MITF: variants seen among roughly 807,000 people sequenced by gnomAD.
MITF encodes melanocyte inducing transcription factor.
A neutral mutation model predicts 60.5 loss-of-function variants in MITF; 17 were observed. That is an observed-to-expected ratio of 0.28 (90% confidence interval 0.19 to 0.42). MITF has a LOEUF of 0.42. MITF is among the 10% of genes least tolerant of loss of function. MITF has a pLI of 1.00. For synonymous variants in MITF, 260 were observed against 248.5 expected (o/e 1.05, Z -0.43); for missense variants, 622 against 683.5 (o/e 0.91, Z 1.00).
intron 1 of MITF, among the ~76,000 whole-genome samples, chr3:69,742,369 G>C (rs1703557084): frequency 6.6e-6 from 1 of 152,168 alleles, no homozygotes; most frequent in East Asian, 1.9e-4. Context: ...ATTGTTAGTA[G>C]TGCTGAGGTC....
intron 2 of MITF, among the ~76,000 whole-genome samples, chr3:69,888,957 C>T (rs113398500): frequency 2.1e-5 from 3 of 140,246 alleles, no homozygotes; most frequent in Admixed American, 7.4e-5. Flanking sequence ...TGTATTGGCT[C>T]GGTGTGATTT....
At chr3:69,785,181 TTGAA>T (rs1559628206) in intron 1 of MITF, among the ~76,000 whole-genome samples, 1 of 152,140 alleles carries the variant, frequency 6.6e-6, no homozygotes. Flanking sequence ...CTGCGGGCAC[TTGAA>T]CATTCTTCAT....
At chr3:69,833,030 T>C (rs1203000185) in intron 1 of MITF, among the ~76,000 whole-genome samples, 2 of 152,254 alleles carry the variant, frequency 1.3e-5, no homozygotes, top group African/African-American at 2.4e-5. Flanking sequence ...CTGTATGTGA[T>C]TGTTTCTCTG....
intron 1 of MITF, among the ~76,000 whole-genome samples, chr3:69,781,130 T>C (rs1013700412): frequency 6.6e-6 from 1 of 152,116 alleles, no homozygotes; most frequent in African/African-American, 2.4e-5. Context: ...GTTAATACAG[T>C]GGCTTCCTTT....
intron 1 of MITF, among the ~76,000 whole-genome samples, chr3:69,807,603 G>A (rs1435317644): frequency 6.6e-6 from 1 of 152,164 alleles, no homozygotes; most frequent in Non-Finnish European, 1.5e-5. Flanking sequence ...ACATGCATAC[G>A]AATATCACTT....
intron 2 of MITF, among the ~76,000 whole-genome samples, chr3:69,922,130 C>G (rs945299660): frequency 6.6e-6 from 1 of 152,212 alleles, no homozygotes; most frequent in Non-Finnish European, 1.5e-5. Context: ...TTGTAAGCCC[C>G]TTGATGATAG....
At chr3:69,937,172 TGTAA>T (rs1706832985) in intron 2 of MITF, 1 of 170,156 alleles carries the variant, frequency 5.9e-6, no homozygotes, top group South Asian at 1.5e-4. Context: ...AACACATACG[TGTAA>T]GTGTTATGCA....
intron 1 of MITF, among the ~76,000 whole-genome samples, chr3:69,862,389 G>T (rs527724008): frequency 6.6e-6 from 1 of 152,270 alleles, no homozygotes; most frequent in Admixed American, 6.5e-5. Flanking sequence ...ATAGGACCCA[G>T]CACATAGTAA....
chr3:69,785,455 C>G (rs1377826419), intron 1 of MITF, among the ~76,000 whole-genome samples: 1 of 152,152 alleles, frequency 6.6e-6, no homozygotes, highest in Non-Finnish European at 1.5e-5. Flanking sequence ...GGTCACATGA[C>G]CAGTAAGCAA....
chr3:69,871,700 A>G (rs1339726744), intron 1 of MITF, among the ~76,000 whole-genome samples: 1 of 152,194 alleles, frequency 6.6e-6, no homozygotes, highest in Non-Finnish European at 1.5e-5. Flanking sequence ...AAGGCTTTTG[A>G]ATTTTCTCTG....
intron 1 of MITF, among the ~76,000 whole-genome samples, chr3:69,745,823 A>G (rs887289774): frequency 5.3e-5 from 8 of 152,242 alleles, no homozygotes; most frequent in Non-Finnish European, 1.2e-4. Context: ...TCTAAGCTGT[A>G]AAATGAGATC....
Position 69,856,449 on chromosome 3 carries a change from C to T in MITF, c.105-22685C>T, listed in dbSNP as rs530590165. On this transcript the variant is annotated intron_variant, in intron 1 of 9. Transcript: ENST00000352241. ...TCTGACCTGTATTGTGAACAAAGGG[C>T]AAGTGTTGAGAGATTGAAGACATAT... is the stretch of plus-strand genomic sequence containing the variant. 2.0e-5 allele frequency among the ~76,000 whole-genome samples: 3 copies of T among 152,228 alleles called. No homozygotes were observed. In the East Asian group the frequency reaches 5.8e-4, roughly 29 times the overall value.
intron 1 of MITF, among the ~76,000 whole-genome samples, chr3:69,764,976 G>A (rs1414961407): frequency 6.6e-6 from 1 of 152,186 alleles, no homozygotes; most frequent in Non-Finnish European, 1.5e-5. Context: ...TTGAGTGATG[G>A]TTCCATGAAC....
intron 9 of MITF, among the ~76,000 whole-genome samples, chr3:69,960,126 A>G (rs139362828): frequency 0.015 from 2,351 of 151,940 alleles, 22 homozygotes; most frequent in Middle Eastern, 0.051. Flanking sequence ...ACATAAAAAA[A>G]ATAAGTACTG....
Position 69,967,891 on chromosome 3 carries a change from A to C in MITF, c.*2643A>C, listed in dbSNP as rs1048418402. The C allele has an allele frequency of 4.3e-6, 1 of 233,334 alleles. No individual in the cohort carries two copies. The highest frequency in any genetic ancestry group is 2.2e-5 in the African/African-American group (1 of 45,330). The allele number at this position is 233,334 out of a possible 1,614,324, so 14.5% of individuals were successfully genotyped here. ...TCTATATGGAGTGACCAAAATGCCA[A>C]AATTGTCCATCTGCCTCTGAGTAGG... On this transcript the variant is annotated 3_prime_UTR_variant, in exon 10 of 10. Transcript: ENST00000352241.
chr3:69,914,424 A>G (rs1357320025), intron 2 of MITF, among the ~76,000 whole-genome samples: 4 of 152,140 alleles, frequency 2.6e-5, no homozygotes, highest in Admixed American at 6.6e-5. Flanking sequence ...ACCCAGCCTG[A>G]ACAACTCTGT....
chr3:69,951,725 A>G (rs571467298), intron 6 of MITF, 87 bp from the exon 7 acceptor site: 2 of 970,210 alleles, frequency 2.1e-6, no homozygotes, highest in African/African-American at 1.6e-5. Context: ...AAGCTTCTGT[A>G]TGTTTGGGAA....
chr3:69,963,970 C>CTTTTTTTTTTT (rs56921812), intron 9 of MITF, among the ~76,000 whole-genome samples: 37 of 86,106 alleles, frequency 4.3e-4, no homozygotes, highest in South Asian at 8.8e-4. Context: ...TTTTTCTTTT[C>CTTTTTTTTTTT]TTTTTTTTTT....
chr3:69,764,547 CA>C (rs2062260517), intron 1 of MITF, among the ~76,000 whole-genome samples: 1 of 152,132 alleles, frequency 6.6e-6, no homozygotes, highest in Non-Finnish European at 1.5e-5. Flanking sequence ...TGTTATACTT[CA>C]AAAATAATGT....
Sources: allele counts gnomAD v4.1 joint callset (sites outside exome capture counted in the v4.1 genomes callset), GRCh38; gene constraint gnomAD v4.1.1; transcripts MANE v1.5; gene names NCBI Gene and HGNC (gene_info 2026-07-23, HGNC 2026-07-21).